Variants in PACRGL observed in about 807,000 individuals in gnomAD.
The protein encoded by PACRGL is parkin coregulated like, also known as PACRG-like protein.
PACRGL carries 38 observed loss-of-function variants against 34.5 expected under a neutral mutation model. The ratio of observed to expected loss-of-function variants is 1.10; its 90% CI spans 0.85 to 1.44. PACRGL has a LOEUF of 1.44. PACRGL is among the 40% of genes most tolerant of loss of function. The probability of loss-of-function intolerance (pLI) is 0.00; values close to 1 mark genes in which losing one functional copy is unlikely to be tolerated. For synonymous variants in PACRGL, 128 were observed against 100.1 expected, an observed-to-expected ratio of 1.28 and a Z score of -1.66; for missense variants, 305 against 281.4, an observed-to-expected ratio of 1.08 and a Z score of -0.60.
chr4:20,753,038 C>T (rs776971450), downstream of PACRGL: 6 of 152,122 alleles, frequency 3.9e-5, no homozygotes, highest in Non-Finnish European at 8.8e-5. Flanking sequence ...GTTTGTTAAG[C>T]TGGGATTGCC....
chr4:20,745,564 T>C (rs1752241210), intron 8 of PACRGL, among the ~76,000 whole-genome samples: 1 of 152,194 alleles, frequency 6.6e-6, no homozygotes, highest in Non-Finnish European at 1.5e-5. Context: ...ACAATTACTT[T>C]ACTTGTAAAT....
the PACRGL span, among the ~76,000 whole-genome samples, chr4:20,758,004 A>G: frequency 1.3e-5 from 2 of 152,162 alleles, no homozygotes; most frequent in African/African-American, 2.4e-5. Flanking sequence ...GACATTGTCC[A>G]TCTGCTACAC....
At chr4:20,743,313 T>A (rs1751619598) in intron 8 of PACRGL, among the ~76,000 whole-genome samples, 1 of 152,076 alleles carries the variant, frequency 6.6e-6, no homozygotes, top group South Asian at 2.1e-4. Context: ...CATTGCCAAG[T>A]CAATCCTAAG....
intron 4 of PACRGL, among the ~76,000 whole-genome samples, chr4:20,708,977 A>AAG (rs1735825324): frequency 6.6e-6 from 1 of 151,566 alleles, no homozygotes; most frequent in Non-Finnish European, 1.5e-5. Context: ...AAAAAAAAAA[A>AAG]AAAAATACAA....
chr4:20,701,658 A>T (rs1203996981), intron 1 of PACRGL: 3 of 320,580 alleles, frequency 9.4e-6, no homozygotes, highest in Non-Finnish European at 1.2e-5. Flanking sequence ...TGTCAGTGGC[A>T]TGCTTCCAGG....
At chr4:20,716,343 TG>T (rs2149126956) in intron 7 of PACRGL, 149 of 577,042 alleles carry the variant, frequency 2.6e-4, no homozygotes, top group South Asian at 2.2e-3. Flanking sequence ...GTTTTTTTTT[TG>T]TTTGTTTGTT....
chr4:20,724,941 C>G, intron 8 of PACRGL, 53 bp downstream of exon 8: 1 of 1,026,794 alleles, frequency 9.7e-7, no homozygotes, highest in East Asian at 2.9e-5. Context: ...AGGTGTATTA[C>G]TAAATTGACA....
chr4:20,764,681 GACACACACACAC>G, the PACRGL span, among the ~76,000 whole-genome samples: 43 of 147,220 alleles, frequency 2.9e-4, no homozygotes, highest in East Asian at 8.5e-3. Flanking sequence ...ATGGGAATTG[GACACACACACAC>G]ACACACACAC....
chr4:20,729,949 T>G lies in PACRGL; in HGVS notation c.*2608T>G, dbSNP rs1037832409. The G allele has an allele frequency of 1.0e-5, 11 of 1,095,010 alleles. No individual in the cohort carries two copies. The Admixed American group carries it at 1.3e-4, about 13-fold the overall frequency. The allele number at this position is 1,095,010 out of a possible 1,614,324, so 67.8% of individuals were successfully genotyped here. A position where few individuals can be genotyped will look rare whatever the true frequency, so the allele number is the denominator to read the frequency against. ...CAAATCTTTTGGGGATTGCTTTATA[T>G]TAAAACAAAGCTTGTTTGCATAATA... On this transcript the variant is annotated 3_prime_UTR_variant, in exon 9 of 9. Coordinates refer to ENST00000503585, the MANE Select transcript of PACRGL (RefSeq NM_001258345.3).
chr4:20,743,358 G>T (rs1349210019), intron 8 of PACRGL, among the ~76,000 whole-genome samples: 1 of 152,248 alleles, frequency 6.6e-6, no homozygotes, highest in East Asian at 1.9e-4. Flanking sequence ...CATGCTGCCT[G>T]ACTTCAAACT....
chr4:20,699,423 TATTA>T (rs1731479032), upstream of PACRGL, among the ~76,000 whole-genome samples: 2 of 152,300 alleles, frequency 1.3e-5, no homozygotes, highest in South Asian at 4.2e-4. Flanking sequence ...AGACAGAATT[TATTA>T]ATTCATTTTA....
the PACRGL span, among the ~76,000 whole-genome samples, chr4:20,766,646 T>C: frequency 6.6e-6 from 1 of 152,118 alleles, no homozygotes; most frequent in African/African-American, 2.4e-5. Flanking sequence ...GGTGAGGGGA[T>C]AGAGATTAAG....
the PACRGL span, chr4:20,759,025 G>A: frequency 1.5e-5 from 9 of 617,034 alleles, no homozygotes; most frequent in Admixed American, 3.0e-5. Context: ...TATTACAAAG[G>A]GAATAAAAGC....
chr4:20,730,525 G>A lies in PACRGL; in HGVS notation c.*3184G>A, dbSNP rs890751722. ...ACACAGACTTTTATACAGGTACAAG[G>A]AAAATTTGTGTGTATGAGCCAGCAG... On this transcript the variant is annotated 3_prime_UTR_variant, in exon 9 of 9. Transcript: ENST00000503585. 6.6e-6 allele frequency among the ~76,000 whole-genome samples: 1 copy of A among 152,156 alleles called. No individual in the cohort carries two copies. The highest frequency in any genetic ancestry group is 2.4e-5 in the African/African-American group (1 of 41,436).
chr4:20,746,103 A>G (rs894489672), intron 8 of PACRGL, among the ~76,000 whole-genome samples: 1 of 152,182 alleles, frequency 6.6e-6, no homozygotes, highest in Admixed American at 6.5e-5. Flanking sequence ...CACTATTCAC[A>G]ATAGCAAAGA....
At chr4:20,716,119 C>T (rs1226331858) in intron 7 of PACRGL, 46 of 1,524,370 alleles carry the variant, frequency 3.0e-5, no homozygotes, top group Non-Finnish European at 3.8e-5. Flanking sequence ...CCCTGTGCAG[C>T]TCATGAGGTT....
intron 1 of PACRGL, among the ~76,000 whole-genome samples, chr4:20,701,034 CT>C (rs1731929827): frequency 6.6e-6 from 1 of 152,102 alleles, no homozygotes; most frequent in South Asian, 2.1e-4. Flanking sequence ...GGATAAGTGA[CT>C]ATTGGGCTCT....
intron 8 of PACRGL, among the ~76,000 whole-genome samples, chr4:20,743,454 G>A: frequency 6.6e-6 from 1 of 152,120 alleles, no homozygotes. Context: ...AGAGCCCTCG[G>A]AAATAATACC....
At chr4:20,705,241 CCT>C (rs1734001428) in intron 3 of PACRGL, among the ~76,000 whole-genome samples, 1 of 152,074 alleles carries the variant, frequency 6.6e-6, no homozygotes, top group African/African-American at 2.4e-5. Flanking sequence ...CCTCCTTTGC[CCT>C]CTCCTAACAA....
Sources: allele counts gnomAD v4.1 joint callset (sites outside exome capture counted in the v4.1 genomes callset), GRCh38; gene constraint gnomAD v4.1.1; transcripts MANE v1.5; gene names NCBI Gene and HGNC (gene_info 2026-07-23, HGNC 2026-07-21).